LGSN: variants seen among roughly 807,000 people sequenced by gnomAD.
The protein encoded by LGSN is lengsin, lens protein with glutamine synthetase domain.
LGSN carries 21 observed loss-of-function variants against 19.5 expected under a neutral mutation model. That is an observed-to-expected ratio of 1.07 (90% CI 0.76 to 1.55). LGSN has a LOEUF of 1.55. LGSN is among the 40% of genes most tolerant of loss of function. The pLI, the probability that LGSN is intolerant of heterozygous loss-of-function variation, is 0.00. For synonymous variants in LGSN, 257 were observed against 215.6 expected, an observed-to-expected ratio of 1.19 and a Z score of -1.68; for missense variants, 673 against 608.5, an observed-to-expected ratio of 1.11 and a Z score of -1.12.
At chr6:63,297,661 C>A (rs1768028971) in intron 1 of LGSN, among the ~76,000 whole-genome samples, 1 of 152,120 alleles carries the variant, frequency 6.6e-6, no homozygotes, top group African/African-American at 2.4e-5. Flanking sequence ...CTTACTAGCC[C>A]AGATGATTGA....
chr6:63,335,792 G>T, the LGSN span, among the ~76,000 whole-genome samples: 1 of 152,030 alleles, frequency 6.6e-6, no homozygotes, highest in African/African-American at 2.4e-5. Context: ...TAGAACTACC[G>T]TACAATTCAG....
At chr6:63,475,534 A>G in the LGSN span, among the ~76,000 whole-genome samples, 2 of 152,174 alleles carry the variant, frequency 1.3e-5, no homozygotes, top group East Asian at 1.9e-4. Context: ...TATACAATTG[A>G]ATATTTCAAA....
chr6:63,558,519 G>T, the LGSN span, among the ~76,000 whole-genome samples: 1 of 152,268 alleles, frequency 6.6e-6, no homozygotes, highest in South Asian at 2.1e-4. Flanking sequence ...ATTGTCTCAT[G>T]ATAACAGTAA....
chr6:63,326,941 A>G, the LGSN span, among the ~76,000 whole-genome samples: 1 of 152,220 alleles, frequency 6.6e-6, no homozygotes, highest in Non-Finnish European at 1.5e-5. Context: ...AAGTGCCACC[A>G]AAGTGGGAGC....
chr6:63,423,436 A>G, the LGSN span, among the ~76,000 whole-genome samples: 1 of 151,980 alleles, frequency 6.6e-6, no homozygotes, highest in African/African-American at 2.4e-5. Context: ...CAGGAGTTCA[A>G]GATGTGCCTA....
At chr6:63,533,250 C>A in the LGSN span, among the ~76,000 whole-genome samples, 2 of 152,008 alleles carry the variant, frequency 1.3e-5, no homozygotes. Flanking sequence ...GATGTGGTGG[C>A]GCACACCTGT....
chr6:63,436,941 G>A, the LGSN span, among the ~76,000 whole-genome samples: 3 of 151,920 alleles, frequency 2.0e-5, no homozygotes, highest in African/African-American at 7.3e-5. Context: ...GGAGGCTGAG[G>A]CAGGAGAATC....
At chr6:63,414,816 G>C in the LGSN span, among the ~76,000 whole-genome samples, 1 of 152,154 alleles carries the variant, frequency 6.6e-6, no homozygotes. Context: ...TCAGGAGGCT[G>C]AGGTGGAAGG....
the LGSN span, among the ~76,000 whole-genome samples, chr6:63,497,385 C>T: frequency 6.6e-6 from 1 of 151,938 alleles, no homozygotes; most frequent in African/African-American, 2.4e-5. Context: ...CCCGTCTCTA[C>T]TAACAATACA....
At chr6:63,534,452 AACACACACACAC>A in the LGSN span, among the ~76,000 whole-genome samples, 11 of 144,506 alleles carry the variant, frequency 7.6e-5, no homozygotes, top group East Asian at 1.0e-3. Flanking sequence ...CACACAGAGA[AACACACACACAC>A]ACACACACAC....
chr6:63,483,295 T>C, the LGSN span, among the ~76,000 whole-genome samples: 1 of 152,158 alleles, frequency 6.6e-6, no homozygotes, highest in African/African-American at 2.4e-5. Context: ...TCTTTTCATC[T>C]CATTGTTCCA....
chr6:63,301,621 A>G (rs1768188575), intron 1 of LGSN, among the ~76,000 whole-genome samples: 1 of 152,166 alleles, frequency 6.6e-6, no homozygotes, highest in South Asian at 2.1e-4. Context: ...ATACTAACAC[A>G]AAAGTAAAAT....
chr6:63,553,325 G>A, the LGSN span, among the ~76,000 whole-genome samples: 3 of 152,284 alleles, frequency 2.0e-5, no homozygotes, highest in East Asian at 1.9e-4. Context: ...TGCTGTTAGC[G>A]ACTCGGGTTC....
At chr6:63,293,762 AT>A in intron 2 of LGSN, 1 of 456,692 alleles carries the variant, frequency 2.2e-6, no homozygotes, top group Non-Finnish European at 4.4e-6. Context: ...AGTCCTTGTC[AT>A]CATATGACAG....
the LGSN span, among the ~76,000 whole-genome samples, chr6:63,366,443 C>T: frequency 1.5e-3 from 222 of 152,166 alleles, no homozygotes; most frequent in African/African-American, 5.0e-3. Flanking sequence ...TAAAAGAGGA[C>T]AGAAACAAAT....
At chr6:63,510,338 C>T in the LGSN span, among the ~76,000 whole-genome samples, 2,306 of 151,996 alleles carry the variant, frequency 0.015, 51 homozygotes, top group African/African-American at 0.052. Flanking sequence ...TTTGCACAAA[C>T]ACCACATGAT....
At chr6:63,547,187 AT>A in the LGSN span, among the ~76,000 whole-genome samples, 5,711 of 133,930 alleles carry the variant, frequency 0.043, 80 homozygotes, top group South Asian at 0.072. Flanking sequence ...GTAGGGGGGA[AT>A]TTTTTTTTTT....
chr6:63,389,861 T>G, the LGSN span, among the ~76,000 whole-genome samples: 1 of 152,090 alleles, frequency 6.6e-6, no homozygotes, highest in Non-Finnish European at 1.5e-5. Context: ...AATTTAGTCA[T>G]TGTGCTCCAG....
chr6:63,356,699 A>G, the LGSN span, among the ~76,000 whole-genome samples: 19,743 of 152,178 alleles, frequency 0.13, 2,825 homozygotes, highest in African/African-American at 0.35. Flanking sequence ...TGTGCCATGC[A>G]TATACCTAGG....
Sources: gnomAD v4.1 joint callset for allele counts (sites outside exome capture counted in the v4.1 genomes callset) on GRCh38, gnomAD v4.1.1 for gene constraint, MANE v1.5 for transcripts, NCBI Gene and HGNC (gene_info 2026-07-23, HGNC 2026-07-21) for gene names.